VRK3: variants seen among roughly 807,000 people sequenced by gnomAD.
VRK3 encodes the protein serine/threonine-protein kinase VRK3.
In VRK3, 50 loss-of-function variants were observed where a neutral mutation model predicts 60.4. The observed-to-expected ratio is 0.83, with a 90% CI of 0.66 to 1.05. VRK3 has a LOEUF of 1.05. Ranked by LOEUF, VRK3 falls within the 50% of genes least tolerant of loss-of-function variation. The pLI is 0.00. For synonymous variants in VRK3, 246 were observed against 227.8 expected, an observed-to-expected ratio of 1.08 and a Z score of -0.72; for missense variants, 549 against 585.3, an observed-to-expected ratio of 0.94 and a Z score of 0.64.
In VRK3 at chr19:49,978,026, C is replaced by T. The variant is rs1024643423; in HGVS notation, c.*11+1057G>A. 6.6e-5 allele frequency among the ~76,000 whole-genome samples: 10 copies of T among 152,288 alleles called. No homozygotes were observed. The South Asian group carries it at 1.2e-3, about 19-fold the overall frequency. ...AGCGCCAAGAAGAACGTCGCTGCGC[C>T]GGGAGACAGGCCGTCAAAAGGAGAT... On this transcript the variant is annotated intron_variant, in intron 14 of 14. Coordinates refer to ENST00000316763, the MANE Select transcript of VRK3 (RefSeq NM_016440.4).
intron 14 of VRK3, chr19:49,978,757 A>C (rs1294537763): frequency 4.6e-6 from 1 of 215,434 alleles, no homozygotes; most frequent in African/African-American, 2.3e-5. Flanking sequence ...GAAGGGACAG[A>C]AGATGGCGAG....
chr19:50,009,026 G>A (rs954763934), intron 4 of VRK3, among the ~76,000 whole-genome samples: 2 of 152,164 alleles, frequency 1.3e-5, no homozygotes, highest in Non-Finnish European at 2.9e-5. Flanking sequence ...GGAGGGGCCG[G>A]GGCAGCTCTA....
At chr19:49,994,758 C>T (rs2076671623) in intron 9 of VRK3, 56 bp downstream of exon 9, 1 of 1,506,590 alleles carries the variant, frequency 6.6e-7, no homozygotes, top group Non-Finnish European at 9.1e-7. Flanking sequence ...GCCTGCTAAA[C>T]TAGGATGTGA....
chr19:50,009,612 G>A (rs2076961092), intron 3 of VRK3, among the ~76,000 whole-genome samples: 1 of 152,058 alleles, frequency 6.6e-6, no homozygotes. Context: ...TTGCCACTCT[G>A]TGTCCTTTCC....
At chr19:50,001,737 A>C (rs1347124990) in intron 5 of VRK3, among the ~76,000 whole-genome samples, 1 of 150,452 alleles carries the variant, frequency 6.6e-6, no homozygotes, top group Non-Finnish European at 1.5e-5. Context: ...TGAGAAGAGG[A>C]GAGAGGCCAA....
intron 12 of VRK3, among the ~76,000 whole-genome samples, chr19:49,985,239 C>T (rs2076491562): frequency 2.6e-5 from 4 of 152,166 alleles, no homozygotes; most frequent in Admixed American, 2.6e-4. Context: ...CAAAAGAAAC[C>T]TGTCTCACCA....
chr19:49,998,145 A>G (rs965179399), intron 6 of VRK3: 4 of 152,050 alleles, frequency 2.6e-5, no homozygotes, highest in Non-Finnish European at 5.9e-5. Flanking sequence ...AAAAAGCAAT[A>G]AAACATCATC....
chr19:50,004,213 G>A (rs879880499), intron 5 of VRK3, among the ~76,000 whole-genome samples: 10 of 152,076 alleles, frequency 6.6e-5, no homozygotes, highest in Admixed American at 2.0e-4. Context: ...GAGGTCAAGC[G>A]TGGTTTCTTC....
chr19:50,019,536 G>C (rs2077133261), intron 2 of VRK3, among the ~76,000 whole-genome samples: 1 of 151,794 alleles, frequency 6.6e-6, no homozygotes. Flanking sequence ...TAGCAACAGG[G>C]TCCCACCCTG....
intron 5 of VRK3, among the ~76,000 whole-genome samples, chr19:50,006,138 T>TAAAAATAA (rs1350570659): frequency 6.6e-5 from 9 of 136,778 alleles, no homozygotes; most frequent in Admixed American, 2.1e-4. Flanking sequence ...ATACAAAAAA[T>TAAAAATAA]AAAAATAAAA....
intron 10 of VRK3, among the ~76,000 whole-genome samples, chr19:49,990,932 A>G (rs1277205336): frequency 2.0e-5 from 3 of 151,932 alleles, no homozygotes; most frequent in African/African-American, 2.4e-5. Flanking sequence ...CCACATGTGT[A>G]TGCCACTACA....
intron 10 of VRK3, among the ~76,000 whole-genome samples, chr19:49,991,807 C>T (rs569333435): frequency 6.6e-6 from 1 of 152,332 alleles, no homozygotes; most frequent in Admixed American, 6.5e-5. Context: ...GGTTTGAGCT[C>T]CTGGATCCTG....
intron 7 of VRK3, among the ~76,000 whole-genome samples, chr19:49,996,242 G>C (rs1053439497): frequency 1.3e-5 from 2 of 151,304 alleles, no homozygotes; most frequent in Admixed American, 6.6e-5. Flanking sequence ...ATTTTCAATA[G>C]AGATGGGTTT....
intron 2 of VRK3, among the ~76,000 whole-genome samples, chr19:50,016,897 A>G (rs1424250878): frequency 6.9e-6 from 1 of 145,154 alleles, no homozygotes; most frequent in Admixed American, 6.8e-5. Flanking sequence ...AGCATCTAAC[A>G]AAGAGCAATA....
chr19:50,007,910 G>A, intron 4 of VRK3, 84 bp from the exon 5 acceptor site: 1 of 1,560,654 alleles, frequency 6.4e-7, no homozygotes, highest in Non-Finnish European at 8.7e-7. Flanking sequence ...GCAAAATACT[G>A]TTCCTTTACA....
intron 10 of VRK3, 102 bp from the exon 11 acceptor site, chr19:49,989,873 G>A: frequency 5.1e-6 from 7 of 1,367,014 alleles, no homozygotes; most frequent in South Asian, 3.4e-5. Context: ...TACCAAAGAT[G>A]GCATTTTTCA....
intron 7 of VRK3, 131 bp from the exon 8 acceptor site, chr19:49,995,406 TGTGGGTGGGTGATG>T (rs2076685114): frequency 1.4e-6 from 1 of 736,576 alleles, no homozygotes; most frequent in South Asian, 1.7e-5. Context: ...GTGACAACAT[TGTGGGTGGGTGATG>T]GTGGGAAGGG....
At chr19:50,021,851 C>T (rs1260864579) in intron 1 of VRK3, among the ~76,000 whole-genome samples, 2 of 152,240 alleles carry the variant, frequency 1.3e-5, no homozygotes, top group African/African-American at 2.4e-5. Flanking sequence ...GCTAAGTTCT[C>T]GGCAGGTATT....
chr19:49,993,861 C>T (rs1341726394), intron 9 of VRK3, among the ~76,000 whole-genome samples: 1 of 152,120 alleles, frequency 6.6e-6, no homozygotes, highest in East Asian at 1.9e-4. Context: ...TTGTCCTCTC[C>T]CACATGGACC....
Sources: gnomAD v4.1 joint callset for allele counts (sites outside exome capture counted in the v4.1 genomes callset) on GRCh38, gnomAD v4.1.1 for gene constraint, MANE v1.5 for transcripts, NCBI Gene and HGNC (gene_info 2026-07-23, HGNC 2026-07-21) for gene names.